The following IFI27L1 variants were observed in gnomAD, a reference collection of about 807,000 sequenced individuals.
The protein encoded by IFI27L1 is interferon alpha-inducible protein 27-like protein 1.
Under a neutral mutation model 9.2 loss-of-function variants are expected in IFI27L1, and 3 were observed. The ratio of observed to expected loss-of-function variants is 0.32; its 90% CI spans 0.15 to 0.84. IFI27L1 has a LOEUF of 0.84. Among genes scored for constraint, IFI27L1 ranks in the 40% least tolerant of loss-of-function variants. The pLI is 0.56. For missense variants in IFI27L1, 133 were observed against 134.2 expected, an observed-to-expected ratio of 0.99 and a Z score of 0.05; for synonymous variants, 53 against 50.0, an observed-to-expected ratio of 1.06 and a Z score of -0.26.
chr14:94,084,672 T>G (rs901604158), intron 1 of IFI27L1, among the ~76,000 whole-genome samples: 2 of 152,182 alleles, frequency 1.3e-5, no homozygotes, highest in African/African-American at 4.8e-5. Context: ...GTTATTCAAT[T>G]GAGACATGGC....
chr14:94,084,898 A>G (rs994699643), intron 1 of IFI27L1, among the ~76,000 whole-genome samples: 1 of 152,186 alleles, frequency 6.6e-6, no homozygotes. Context: ...GTTTTTTTAC[A>G]TACAACCGAG....
At chr14:94,092,837 G>A (rs1183966091) in intron 1 of IFI27L1, among the ~76,000 whole-genome samples, 1 of 152,150 alleles carries the variant, frequency 6.6e-6, no homozygotes, top group African/African-American at 2.4e-5. Context: ...CTGTTCTCGT[G>A]GTAGTAAGTC....
intron 1 of IFI27L1, among the ~76,000 whole-genome samples, chr14:94,081,887 A>C (rs190153045): frequency 6.6e-6 from 1 of 152,182 alleles, no homozygotes; most frequent in African/African-American, 2.4e-5. Flanking sequence ...TGTTGAAATT[A>C]GGTCAATTAA....
chr14:94,085,312 ACT>A (rs1041364446), intron 1 of IFI27L1, among the ~76,000 whole-genome samples: 6 of 152,114 alleles, frequency 3.9e-5, no homozygotes, highest in Non-Finnish European at 7.4e-5. Context: ...TAGCTGTGTG[ACT>A]CTGGCAGATT....
At chr14:94,100,931 GC>G in intron 3 of IFI27L1, 160 bp downstream of exon 3, 1 of 778,584 alleles carries the variant, frequency 1.3e-6, no homozygotes, top group South Asian at 1.5e-5. Flanking sequence ...GCAGCAGGAA[GC>G]AAAGCAAAGC....
chr14:94,100,875 C>T, intron 3 of IFI27L1, 104 bp downstream of exon 3: 1 of 1,272,310 alleles, frequency 7.9e-7, no homozygotes, highest in South Asian at 1.2e-5. Context: ...TTCTCCAAGA[C>T]ATAGCTGGGT....
Position 94,088,563 on chromosome 14 carries a change from G to A in IFI27L1, c.-52+7114G>A, listed in dbSNP as rs187254732. Among the ~76,000 whole-genome samples the A allele has an allele frequency of 3.1e-3, 461 of 146,452 alleles. 4 individuals are homozygous for A. The highest frequency in any genetic ancestry group is 0.011 in the African/African-American group (429 of 39,216). ...CGCCCAGGTTGGAGTGCAGTGACACGATCTCAGCTCACTGCAAGCTCCACC... is the reference window on the plus strand; with the variant it reads ...CGCCCAGGTTGGAGTGCAGTGACACAATCTCAGCTCACTGCAAGCTCCACC... On this transcript the variant is annotated intron_variant, in intron 1 of 4. Coordinates refer to ENST00000555523, the MANE Select transcript of IFI27L1 (RefSeq NM_206949.3).
intron 1 of IFI27L1, among the ~76,000 whole-genome samples, chr14:94,083,029 A>G (rs1186916813): frequency 1.3e-5 from 2 of 152,240 alleles, no homozygotes; most frequent in African/African-American, 4.8e-5. Context: ...GAAAGGGTTC[A>G]CTATTTTAGA....
chr14:94,088,323 G>A (rs1462766483), intron 1 of IFI27L1: 1 of 702,102 alleles, frequency 1.4e-6, no homozygotes, highest in African/African-American at 1.7e-5. Flanking sequence ...CATTTTACTG[G>A]CATAGATGCC....
chr14:94,096,744 C>A, intron 1 of IFI27L1, 143 bp from the exon 2 acceptor site: 2 of 486,626 alleles, frequency 4.1e-6, no homozygotes, highest in Non-Finnish European at 3.7e-6. Context: ...GGTAGTTACT[C>A]AAAAGTGGGT....
intron 1 of IFI27L1, among the ~76,000 whole-genome samples, chr14:94,090,257 G>C (rs1477541807): frequency 6.6e-6 from 1 of 151,978 alleles, no homozygotes; most frequent in Non-Finnish European, 1.5e-5. Context: ...GAATAAGCAG[G>C]GTCAGTCTAA....
intron 1 of IFI27L1, among the ~76,000 whole-genome samples, chr14:94,087,573 C>T (rs1337214883): frequency 1.3e-5 from 2 of 152,140 alleles, no homozygotes; most frequent in Non-Finnish European, 2.9e-5. Flanking sequence ...ATTACAGGCA[C>T]TCGCCACCAC....
chr14:94,101,746 G>T (rs1249498030), intron 3 of IFI27L1, 68 bp from the exon 4 acceptor site: 4 of 1,549,626 alleles, frequency 2.6e-6, no homozygotes, highest in Non-Finnish European at 2.7e-6. Context: ...CATCGCCCCA[G>T]GAGGATGTCA....
chr14:94,102,170 C>T, intron 4 of IFI27L1, 195 bp downstream of exon 4: 1 of 636,112 alleles, frequency 1.6e-6, no homozygotes, highest in South Asian at 1.9e-5. Context: ...CTGGTGAACC[C>T]TACAAAACCC....
intron 1 of IFI27L1, among the ~76,000 whole-genome samples, chr14:94,091,977 T>G (rs1886491759): frequency 6.6e-6 from 1 of 151,114 alleles, no homozygotes; most frequent in Non-Finnish European, 1.5e-5. Flanking sequence ...TACAAAAAAA[T>G]TAGCCACGCA....
intron 3 of IFI27L1, chr14:94,101,138 A>G (rs895650838): frequency 2.3e-6 from 1 of 432,082 alleles, no homozygotes; most frequent in Non-Finnish European, 4.2e-6. Flanking sequence ...TCATTCCTCA[A>G]AAGTATTTGA....
At chr14:94,091,422 G>C (rs1373241009) in intron 1 of IFI27L1, among the ~76,000 whole-genome samples, 2 of 152,216 alleles carry the variant, frequency 1.3e-5, no homozygotes, top group East Asian at 3.9e-4. Flanking sequence ...CAATAACTTA[G>C]TTATACAAAT....
chr14:94,097,732 C>G (rs1886725134), intron 2 of IFI27L1: 2 of 701,336 alleles, frequency 2.9e-6, no homozygotes, highest in Admixed American at 4.0e-5. Context: ...CATGTGGAGT[C>G]AAGGAGGACT....
At chr14:94,083,604 T>C (rs1886182870) in intron 1 of IFI27L1, among the ~76,000 whole-genome samples, 1 of 152,128 alleles carries the variant, frequency 6.6e-6, no homozygotes, top group Admixed American at 6.5e-5. Context: ...TCAGCTGGTT[T>C]CAGAAAAAAA....
Sources: allele counts gnomAD v4.1 joint callset (sites outside exome capture counted in the v4.1 genomes callset), GRCh38; gene constraint gnomAD v4.1.1; transcripts MANE v1.5; gene names NCBI Gene and HGNC (gene_info 2026-07-23, HGNC 2026-07-21).